The following DDX46 variants were observed in gnomAD, a reference collection of about 807,000 sequenced individuals.
DDX46 encodes probable ATP-dependent RNA helicase DDX46.
DDX46 carries 30 observed loss-of-function variants against 134.9 expected under a neutral mutation model. The observed-to-expected ratio is 0.22, with a 90% confidence interval of 0.17 to 0.30. DDX46 has a LOEUF of 0.30. Among genes scored for constraint, DDX46 ranks in the 10% least tolerant of loss-of-function variants. The pLI, the probability that DDX46 is intolerant of heterozygous loss-of-function variation, is 1.00. For synonymous variants in DDX46, 415 were observed against 404.1 expected, an observed-to-expected ratio of 1.03 and a Z score of -0.32; for missense variants, 622 against 1,248.7, an observed-to-expected ratio of 0.50 and a Z score of 7.56.
intron 3 of DDX46, among the ~76,000 whole-genome samples, chr5:134,769,476 AC>A (rs1753689578): frequency 6.6e-6 from 1 of 150,410 alleles, no homozygotes; most frequent in East Asian, 1.9e-4. Flanking sequence ...GATTACAGGC[AC>A]GTGCCACCAT....
At chr5:134,766,531 G>A (rs1753572343) in intron 2 of DDX46, among the ~76,000 whole-genome samples, 1 of 149,832 alleles carries the variant, frequency 6.7e-6, no homozygotes, top group Non-Finnish European at 1.5e-5. Flanking sequence ...TCCAGCCTGG[G>A]CAACAAGAGC....
In DDX46 at chr5:134,758,887, G is replaced by A. The variant is rs1485032187; in HGVS notation, c.-52G>A. 3.7e-6 allele frequency: 6 copies of A among 1,613,572 alleles called. No individual in the cohort carries two copies. Among genetic ancestry groups the A allele is most frequent in the Non-Finnish European group, 5.1e-6 (6 of 1,179,832 alleles). On this transcript the variant is annotated 5_prime_UTR_variant, in exon 1 of 23. Coordinates refer to ENST00000452510, the MANE Select transcript of DDX46 (RefSeq NM_001300860.2). ...GGCAGCTCAGCCTCCTTGTTTGTCC[G>A]GTTCGCCTGTGCGTGGTACTCAAGG...
chr5:134,828,572 T>C, intron 22 of DDX46, 87 bp from the exon 23 acceptor site: 4 of 828,788 alleles, frequency 4.8e-6, no homozygotes, highest in Non-Finnish European at 6.8e-6. Context: ...CTTTTGGGTT[T>C]GTTTGGTTGG....
intron 2 of DDX46, among the ~76,000 whole-genome samples, chr5:134,764,542 C>T (rs1753498373): frequency 6.6e-6 from 1 of 152,130 alleles, no homozygotes; most frequent in Non-Finnish European, 1.5e-5. Context: ...CTTGGCCTCC[C>T]AAAGTGCTGG....
intron 20 of DDX46, 139 bp from the exon 21 acceptor site, chr5:134,818,721 G>T: frequency 4.2e-6 from 2 of 473,312 alleles, no homozygotes; most frequent in Non-Finnish European, 6.6e-6. Context: ...AAAAAAAAAA[G>T]AATATATATA....
intron 6 of DDX46, chr5:134,778,022 T>C (rs75098786): frequency 1.6e-5 from 2 of 124,320 alleles, no homozygotes; most frequent in African/African-American, 2.7e-5. Flanking sequence ...TTGATACTCT[T>C]TTTTTTTTTT....
chr5:134,815,904 G>A (rs966742973), intron 18 of DDX46, among the ~76,000 whole-genome samples: 4 of 151,944 alleles, frequency 2.6e-5, no homozygotes, highest in Non-Finnish European at 4.4e-5. Flanking sequence ...AATCCAATTG[G>A]ATTTTATGGG....
intron 21 of DDX46, among the ~76,000 whole-genome samples, chr5:134,821,558 G>T (rs1377728388): frequency 6.7e-6 from 1 of 148,504 alleles, no homozygotes; most frequent in Admixed American, 6.7e-5. Flanking sequence ...TTTTGAGAGG[G>T]AGTCTAGCTC....
rs1345157463 is a variant in DDX46, at chr5:134,788,600, G to C, written c.1543+9G>C. The C allele has an allele frequency of 6.2e-7, 1 of 1,611,046 alleles. No homozygotes were observed. The highest frequency in any genetic ancestry group is 8.5e-7 in the Non-Finnish European group (1 of 1,179,002). Reference sequence around the variant, plus strand: ...GTTAGCCGCTAACAGTGGTAAGTCAGGGGTATTTTTTTGGTGTCTTTTATT... The same window carrying C: ...GTTAGCCGCTAACAGTGGTAAGTCACGGGTATTTTTTTGGTGTCTTTTATT... On this transcript the variant is annotated intron_variant, in intron 12 of 22. Transcript: ENST00000452510.
chr5:134,792,951 T>A (rs1328576969), intron 13 of DDX46, among the ~76,000 whole-genome samples: 1 of 151,898 alleles, frequency 6.6e-6, no homozygotes, highest in Non-Finnish European at 1.5e-5. Flanking sequence ...ATTCAGGAGT[T>A]CAAGACAAGC....
At chr5:134,769,065 T>A (rs436603) in intron 3 of DDX46, among the ~76,000 whole-genome samples, 38,124 of 151,802 alleles carry the variant, frequency 0.25, 6,047 homozygotes, top group African/African-American at 0.44. Context: ...CTCAAAAAAA[T>A]CCCCTAAAAT....
intron 3 of DDX46, among the ~76,000 whole-genome samples, 177 bp downstream of exon 3, chr5:134,767,237 G>A (rs1293980544): frequency 6.6e-6 from 1 of 151,758 alleles, no homozygotes; most frequent in Non-Finnish European, 1.5e-5. Flanking sequence ...TAATTCAACT[G>A]GAAAATAATA....
At chr5:134,782,154 G>T (rs969105998) in intron 8 of DDX46, 68 bp downstream of exon 8, 53 of 1,399,412 alleles carry the variant, frequency 3.8e-5, no homozygotes, top group Non-Finnish European at 4.0e-5. Context: ...CATTGCTCAA[G>T]AGAAATGTGG....
intron 5 of DDX46, among the ~76,000 whole-genome samples, chr5:134,774,155 T>C (rs1379495750): frequency 6.6e-6 from 1 of 152,072 alleles, no homozygotes; most frequent in Non-Finnish European, 1.5e-5. Flanking sequence ...TGCTCTATTT[T>C]CTGTCTCTGA....
At chr5:134,777,486 A>G in intron 5 of DDX46, 88 bp from the exon 6 acceptor site, 5 of 1,457,572 alleles carry the variant, frequency 3.4e-6, no homozygotes, top group Non-Finnish European at 4.6e-6. Context: ...GCAGTGGCAG[A>G]AAAGGTTAGA....
intron 18 of DDX46, among the ~76,000 whole-genome samples, chr5:134,813,108 A>AT (rs894612801): frequency 4.6e-5 from 7 of 151,458 alleles, no homozygotes; most frequent in African/African-American, 1.5e-4. Context: ...TGCTTGGCTA[A>AT]TTTTTTTTGT....
intron 21 of DDX46, among the ~76,000 whole-genome samples, chr5:134,822,816 A>G (rs1561876118): frequency 6.6e-6 from 1 of 151,964 alleles, no homozygotes; most frequent in Non-Finnish European, 1.5e-5. Context: ...GGCTCAAGTG[A>G]TCCTCCTGCC....
chr5:134,774,414 G>GTAT (rs1426856856), intron 5 of DDX46, among the ~76,000 whole-genome samples: 1 of 152,096 alleles, frequency 6.6e-6, no homozygotes, highest in Non-Finnish European at 1.5e-5. Flanking sequence ...ATGCTCCTGT[G>GTAT]ACCATTGGTG....
At chr5:134,825,996 C>G (rs189816894) in intron 21 of DDX46, 1 of 152,154 alleles carries the variant, frequency 6.6e-6, no homozygotes. Flanking sequence ...TTTCACTGTT[C>G]ATATCCCATC....
Sources: gnomAD v4.1 joint callset for allele counts (sites outside exome capture counted in the v4.1 genomes callset) on GRCh38, gnomAD v4.1.1 for gene constraint, MANE v1.5 for transcripts, NCBI Gene and HGNC (gene_info 2026-07-23, HGNC 2026-07-21) for gene names.